GRIK2: variants seen among roughly 807,000 people sequenced by gnomAD.
GRIK2 encodes glutamate ionotropic receptor kainate type subunit 2.
In GRIK2, 32 loss-of-function variants were observed where a neutral mutation model predicts 100.3. The observed-to-expected ratio is 0.32, with a 90% CI of 0.24 to 0.43. The LOEUF (loss-of-function observed/expected upper bound fraction) is 0.43, where lower values mean the gene tolerates loss of function less well. GRIK2 is among the 20% of genes least tolerant of loss of function. The pLI is 1.00. For missense variants in GRIK2, 843 were observed against 1,114.9 expected, an observed-to-expected ratio of 0.76 and a Z score of 3.47; for synonymous variants, 417 against 389.4, an observed-to-expected ratio of 1.07 and a Z score of -0.83.
chr6:101,579,931 T>C (rs1777993810), intron 2 of GRIK2, among the ~76,000 whole-genome samples: 1 of 152,124 alleles, frequency 6.6e-6, no homozygotes, highest in African/African-American at 2.4e-5. Context: ...ACAGTCCCAT[T>C]CTTTTTTAAA....
rs373776814 is a variant in GRIK2, at chr6:101,916,990, G to A, written c.1749-7611G>A. On this transcript the variant is annotated intron_variant, in intron 12 of 16. Coordinates refer to ENST00000369134, the MANE Select transcript of GRIK2 (RefSeq NM_021956.5). ...TCCCACTACAGATGTCATGAAAATG[G>A]CATAATTTCAGCAGATTGTACTTAA... Among the ~76,000 whole-genome samples the A allele has an allele frequency of 5.1e-4, 78 of 151,606 alleles. 1 individual carries two copies. In the South Asian group the frequency reaches 0.016, roughly 30 times the overall value.
chr6:101,520,802 G>A (rs1774843983), intron 2 of GRIK2, among the ~76,000 whole-genome samples: 1 of 152,054 alleles, frequency 6.6e-6, no homozygotes, highest in African/African-American at 2.4e-5. Flanking sequence ...AATGGCACAT[G>A]ACATGATTGC....
At chr6:101,557,020 TA>T (rs200959813) in intron 2 of GRIK2, among the ~76,000 whole-genome samples, 3 of 151,832 alleles carry the variant, frequency 2.0e-5, no homozygotes, top group Admixed American at 6.6e-5. Flanking sequence ...TAAAGCTGTT[TA>T]AAAAAAAACT....
At chr6:101,927,122 C>G (rs1789953903) in intron 13 of GRIK2, among the ~76,000 whole-genome samples, 1 of 151,894 alleles carries the variant, frequency 6.6e-6, no homozygotes, top group Non-Finnish European at 1.5e-5. Context: ...CTGGAGTTGG[C>G]TGTCATGTCC....
intron 11 of GRIK2, among the ~76,000 whole-genome samples, chr6:101,886,820 C>CTTTTT: frequency 1.4e-5 from 1 of 73,320 alleles, no homozygotes; most frequent in African/African-American, 5.3e-5. Context: ...TTCTTTCTAC[C>CTTTTT]TTTTTTTTTT....
chr6:101,985,584 C>T lies in GRIK2; in HGVS notation c.2086-49757C>T, dbSNP rs374737648. Among the ~76,000 whole-genome samples the T allele has an allele frequency of 3.6e-4, 54 of 151,824 alleles. 2 individuals carry two copies. The East Asian group carries it at 5.9e-3, about 16-fold the overall frequency. ...TAGTGAAGCACAGTTTGTCCATAAA[C>T]GAGGCTCATCCTTACCAGACAAACT... is the stretch of plus-strand genomic sequence containing the variant. On this transcript the variant is annotated intron_variant, in intron 14 of 16. Coordinates refer to ENST00000369134, the MANE Select transcript of GRIK2 (RefSeq NM_021956.5).
chr6:101,945,936 A>C (rs1435329488), intron 14 of GRIK2, among the ~76,000 whole-genome samples: 1 of 144,964 alleles, frequency 6.9e-6, no homozygotes, highest in African/African-American at 2.6e-5. Flanking sequence ...CATTTTTATG[A>C]GATAGCAAAT....
At chr6:102,050,426 G>T (rs1204126203) in intron 15 of GRIK2, among the ~76,000 whole-genome samples, 1 of 151,958 alleles carries the variant, frequency 6.6e-6, no homozygotes, top group Non-Finnish European at 1.5e-5. Flanking sequence ...GGCCAAGGCG[G>T]GTGGATCACG....
chr6:101,882,584 AT>A (rs1446877328), intron 11 of GRIK2, among the ~76,000 whole-genome samples: 3 of 151,870 alleles, frequency 2.0e-5, no homozygotes, highest in African/African-American at 7.3e-5. Flanking sequence ...ATGATTTCCT[AT>A]TCATGCCCTA....
At chr6:101,587,105 GTAAA>G (rs1778411037) in intron 2 of GRIK2, among the ~76,000 whole-genome samples, 1 of 151,620 alleles carries the variant, frequency 6.6e-6, no homozygotes, top group Non-Finnish European at 1.5e-5. Context: ...ACTAAGAAAT[GTAAA>G]TAAAAATAGG....
chr6:101,812,368 G>A (rs558911800), intron 9 of GRIK2, among the ~76,000 whole-genome samples: 106 of 151,650 alleles, frequency 7.0e-4, no homozygotes, highest in Non-Finnish European at 9.3e-4. Context: ...GAAATGTTTC[G>A]TTTTGTGAAG....
chr6:101,449,191 C>G (rs1770534754), intron 2 of GRIK2, among the ~76,000 whole-genome samples: 1 of 151,490 alleles, frequency 6.6e-6, no homozygotes, highest in Non-Finnish European at 1.5e-5. Context: ...CATTTGTAAT[C>G]AAATAAATGT....
chr6:102,036,487 G>T lies in GRIK2; in HGVS notation c.2311+921G>T, dbSNP rs185573084. ...GGAGATTTTCCTGGATTAACCAGGT[G>T]CGTCCAATGTAATCACAAGAGCTCT... On this transcript the variant is annotated intron_variant, in intron 15 of 16. Coordinates refer to ENST00000369134, the MANE Select transcript of GRIK2 (RefSeq NM_021956.5). Among the ~76,000 whole-genome samples, 15 of 151,430 alleles carry T rather than the reference G, an allele frequency of 9.9e-5. No homozygotes were observed. In the East Asian group the frequency reaches 1.8e-3, roughly 18 times the overall value.
chr6:101,871,206 A>C (rs1785393586), intron 11 of GRIK2, among the ~76,000 whole-genome samples: 1 of 151,186 alleles, frequency 6.6e-6, no homozygotes, highest in Admixed American at 6.6e-5. Context: ...TAAACATCTT[A>C]ATAAAATCTT....
Position 101,626,233 on chromosome 6 carries a change from T to C in GRIK2, c.284-147T>C. On this transcript the variant is annotated intron_variant, in intron 3 of 16. Coordinates refer to ENST00000369134, the MANE Select transcript of GRIK2 (RefSeq NM_021956.5). The stretch of plus-strand genomic sequence containing the variant: ...AAGTGTTCAGAGTCAGACAAAATTT[T>C]AAATTAGTGAAAAGTAGATATATAT... The C allele has an allele frequency of 4.2e-6, 3 of 720,312 alleles. 1 individual carries two copies. Among genetic ancestry groups the C allele is most frequent in the South Asian group, 4.1e-5 (2 of 48,362 alleles). The allele number at this position is 720,312 out of a possible 1,614,324, so 44.6% of individuals were successfully genotyped here. A position where few individuals can be genotyped will look rare whatever the true frequency, so the allele number is the denominator to read the frequency against.
chr6:101,572,427 G>T (rs1055614960), intron 2 of GRIK2, among the ~76,000 whole-genome samples: 11 of 152,112 alleles, frequency 7.2e-5, no homozygotes, highest in Admixed American at 2.0e-4. Flanking sequence ...TACTGTAAGT[G>T]TGCGTAATAC....
intron 12 of GRIK2, among the ~76,000 whole-genome samples, chr6:101,903,015 G>C (rs1261434419): frequency 6.6e-6 from 1 of 151,770 alleles, no homozygotes; most frequent in Non-Finnish European, 1.5e-5. Flanking sequence ...ATCATTCTTA[G>C]AGACTTTTAT....
At chr6:101,522,792 C>T (rs1336637612) in intron 2 of GRIK2, among the ~76,000 whole-genome samples, 1 of 151,846 alleles carries the variant, frequency 6.6e-6, no homozygotes, top group East Asian at 1.9e-4. Flanking sequence ...TAACTTTTCC[C>T]CTTCTACATT....
At chr6:101,394,405 ACGAACCACATCCTCT>A (rs1468698168) in intron 1 of GRIK2, among the ~76,000 whole-genome samples, 1 of 152,198 alleles carries the variant, frequency 6.6e-6, no homozygotes. Flanking sequence ...AGAACTTTTA[ACGAACCACATCCTCT>A]GATATTTTTA....
Sources: gnomAD v4.1 joint callset for allele counts (sites outside exome capture counted in the v4.1 genomes callset) on GRCh38, gnomAD v4.1.1 for gene constraint, MANE v1.5 for transcripts, NCBI Gene and HGNC (gene_info 2026-07-23, HGNC 2026-07-21) for gene names.